The following KEAP1 variants were observed in gnomAD, a reference collection of about 807,000 sequenced individuals.
KEAP1 encodes kelch-like ECH-associated protein 1.
A neutral mutation model predicts 59.7 loss-of-function variants in KEAP1; 26 were observed. The ratio of observed to expected loss-of-function variants is 0.44; its 90% CI spans 0.32 to 0.60. The LOEUF (loss-of-function observed/expected upper bound fraction) is 0.60. KEAP1 is among the 20% of genes least tolerant of loss of function. KEAP1 has a pLI of 0.06. For missense variants in KEAP1, 539 were observed against 871.4 expected, an observed-to-expected ratio of 0.62 and a Z score of 4.80; for synonymous variants, 350 against 358.3, an observed-to-expected ratio of 0.98 and a Z score of 0.26.
chr19:10,498,222 C>CA (rs1318401341), intron 2 of KEAP1, among the ~76,000 whole-genome samples: 2,108 of 86,034 alleles, frequency 0.025, 81 homozygotes, highest in African/African-American at 0.088. Flanking sequence ...TTTTTTGAGA[C>CA]AGAGTCTTGC....
chr19:10,489,097 A>T (rs1158269648), intron 5 of KEAP1, 95 bp downstream of exon 5: 1 of 273,864 alleles, frequency 3.7e-6, no homozygotes, highest in Non-Finnish European at 4.9e-6. Context: ...TTGTTTCTAA[A>T]AAAAAAAAAA....
chr19:10,501,289 G>A (rs1428371805), intron 1 of KEAP1, among the ~76,000 whole-genome samples: 1 of 152,014 alleles, frequency 6.6e-6, no homozygotes, highest in East Asian at 2.0e-4. Flanking sequence ...CCAGGCTGGA[G>A]TACAGTGGTG....
intron 2 of KEAP1, 181 bp from the exon 3 acceptor site, chr19:10,492,443 G>A: frequency 3.3e-6 from 2 of 600,514 alleles, no homozygotes; most frequent in Non-Finnish European, 5.9e-6. Context: ...ATCCTGCCGG[G>A]CGCGGTGGCT....
rs1171925195 is a variant in KEAP1, at chr19:10,489,781, A to G, written c.1398T>C (p.Ala466=). 5 of 1,613,986 alleles carry G rather than the reference A, an allele frequency of 3.1e-6. No individual in the cohort carries two copies. The highest frequency in any genetic ancestry group is 1.7e-5 in the Admixed American group (1 of 59,916). ...MLTRRIGVGV[A]VLNRLLYAVG... Reference sequence around the variant, plus strand: ...CGGCATAAAGGAGACGATTGAGGACAGCCACGCCCACCCCGATCCTTCGTG... The same window carrying G: ...CGGCATAAAGGAGACGATTGAGGACGGCCACGCCCACCCCGATCCTTCGTG... The change falls in exon 4 of 6, where the codon GCT becomes GCC. Residue 466 remains alanine, a synonymous_variant. Transcript: ENST00000171111.
rs891953920 is a variant in KEAP1 at position 10,499,131 on chromosome 19, G to A, written c.639+264C>T. ...ATTACAGGCATGAGCCACCACGCCC[G>A]GCCCCAGTTGTTTTTTGTTTGTGTG... On this transcript the variant is annotated intron_variant, in intron 2 of 5. Coordinates refer to ENST00000171111, the MANE Select transcript of KEAP1 (RefSeq NM_203500.2). This position sits in a 1 kb window ranked among gnomAD's most constrained non-coding sequence, Gnocchi z 6.7. Among the ~76,000 whole-genome samples, 1 of 152,014 alleles carries A rather than the reference G, an allele frequency of 6.6e-6. No homozygotes were observed. Among genetic ancestry groups the A allele is most frequent in the Non-Finnish European group, 1.5e-5 (1 of 68,022 alleles).
In KEAP1 at chr19:10,491,889, G is replaced by T. The variant is rs2144600400; in HGVS notation, c.1013C>A (p.Ser338Ter). 6.2e-7 allele frequency: 1 copy of T among 1,613,406 alleles called. No individual in the cohort carries two copies. The highest frequency in any genetic ancestry group is 8.5e-7 in the Non-Finnish European group (1 of 1,179,804). The change falls in exon 3 of 6, where the codon TCG becomes TAG. Residue 338 changes from serine to a stop codon, truncating the protein, a stop_gained. Coordinates refer to ENST00000171111, the MANE Select transcript of KEAP1 (RefSeq NM_203500.2). LOFTEE classifies it high-confidence loss of function. This position sits in a 1 kb window ranked among gnomAD's most constrained non-coding sequence, Gnocchi z 5.2. ...IYTAGGYFRQ[S>*]LSYLEAYNPS... ...GTTGTAAGCCTCCAGGTAGCTGAGC[G>T]ACTGTCGGAAGTAGCCGCCCGCGGT...
At chr19:10,487,851 G>A (rs549591065) in intron 5 of KEAP1, among the ~76,000 whole-genome samples, 50 of 151,378 alleles carry the variant, frequency 3.3e-4, no homozygotes, top group Admixed American at 1.7e-3. Context: ...AAAATTGGCC[G>A]GGCATGGTGG....
rs1232151091 is a variant in KEAP1 at position 10,489,819 on chromosome 19, C to T, written c.1360G>A (p.Ala454Thr). Residue 454 changes from alanine to threonine, a missense_variant, in exon 4 of 6, where the codon GCC becomes ACC. Physicochemically the swap from Ala to Thr is moderately conservative, Grantham distance 58. Coordinates refer to ENST00000171111, the MANE Select transcript of KEAP1 (RefSeq NM_203500.2). ...EPERDEWHLV[A>T]PMLTRRIGVG... ...CCGATCCTTCGTGTCAGCATTGGGG[C>T]CACCAAGTGCCACTCATCCCGCTCT... 6.2e-7 allele frequency: 1 copy of T among 1,613,936 alleles called. No individual in the cohort carries two copies. Among genetic ancestry groups the T allele is most frequent in the Non-Finnish European group, 8.5e-7 (1 of 1,179,998 alleles).
At chr19:10,494,133 G>C (rs1311416242) in intron 2 of KEAP1, among the ~76,000 whole-genome samples, 1 of 151,388 alleles carries the variant, frequency 6.6e-6, no homozygotes, top group Non-Finnish European at 1.5e-5. Context: ...TGGTAGAGAC[G>C]GGGTTTCACC....
Position 10,489,257 on chromosome 19 carries a change from G to C in KEAP1, c.1643C>G (p.Ala548Gly), listed in dbSNP as rs763864605. Residue 548 changes from alanine to glycine, a missense_variant, in exon 5 of 6, where the codon GCC becomes GGC. Coordinates refer to ENST00000171111, the MANE Select transcript of KEAP1 (RefSeq NM_203500.2). Reference protein sequence around the residue: ...DVETETWTFVAPMKHRRSALG... With the variant: ...DVETETWTFVGPMKHRRSALG... The stretch of plus-strand genomic sequence containing the variant: ...GGCACTTCGCCGGTGCTTCATGGGG[G>C]CTACGAAAGTCCACGTCTCTGTTTC... The C allele has an allele frequency of 6.2e-7, 1 of 1,613,144 alleles. No individual in the cohort carries two copies. The highest frequency in any genetic ancestry group is 8.5e-7 in the Non-Finnish European group (1 of 1,179,948).
At chr19:10,493,353 G>A (rs1417955736) in intron 2 of KEAP1, among the ~76,000 whole-genome samples, 2 of 151,590 alleles carry the variant, frequency 1.3e-5, no homozygotes, top group African/African-American at 4.8e-5. Flanking sequence ...TAGTAGAGAT[G>A]GGGTTTCACC....
chr19:10,501,735 T>C (rs1308464572), intron 1 of KEAP1, among the ~76,000 whole-genome samples: 1 of 152,036 alleles, frequency 6.6e-6, no homozygotes, highest in African/African-American at 2.4e-5. Flanking sequence ...TTAGTAGAGA[T>C]GGGATTTCAC....
rs746687439 is a variant in KEAP1, at chr19:10,492,173, G to T, written c.729C>A (p.Ser243=). The change falls in exon 3 of 6, where the codon TCC becomes TCA. Residue 243 remains serine (S), a synonymous_variant. Coordinates refer to ENST00000171111, the MANE Select transcript of KEAP1 (RefSeq NM_203500.2). ...AGTTGATGCAGGCGTGGAAGACCTC[G>T]GACTCGCAGCGCACGTTCAGGTCGT... ...SRDDLNVRCE[S]EVFHACINWV... is the part of the protein sequence containing the mutation. 6.2e-7 allele frequency: 1 copy of T among 1,614,048 alleles called. No homozygotes were observed. The highest frequency in any genetic ancestry group is 1.7e-5 in the Admixed American group (1 of 60,002).
At chr19:10,489,048 T>A (rs1914573036) in intron 5 of KEAP1, 144 bp downstream of exon 5, 3 of 682,732 alleles carry the variant, frequency 4.4e-6, no homozygotes, top group Non-Finnish European at 6.8e-6. Flanking sequence ...CGAGCTGTGA[T>A]CACACCACTG....
At chr19:10,501,476 A>C (rs186015678) in intron 1 of KEAP1, among the ~76,000 whole-genome samples, 3 of 151,906 alleles carry the variant, frequency 2.0e-5, no homozygotes, top group African/African-American at 7.2e-5. Flanking sequence ...AAAAATACAA[A>C]AAAATTAGCC....
rs1028639304 is a variant in KEAP1, at chr19:10,502,675, G to A, written c.-48+566C>T. On this transcript the variant is annotated intron_variant, in intron 1 of 5. Coordinates refer to ENST00000171111, the MANE Select transcript of KEAP1 (RefSeq NM_203500.2). The surrounding 1 kb of genome is among the most constrained non-coding windows in gnomAD (Gnocchi z 4.0). ...TCGCGGCCCGCGATGCCCGCAGCCCGGGCACATCCCGCCTCACTCACCCCG... is the reference window on the plus strand; with the variant it reads ...TCGCGGCCCGCGATGCCCGCAGCCCAGGCACATCCCGCCTCACTCACCCCG... 6.6e-6 allele frequency: 1 copy of A among 152,050 alleles called. No individual in the cohort carries two copies. The allele number at this position is 152,050 out of a possible 1,614,324, so 9.4% of individuals were successfully genotyped here.
At position 10,491,909 on chromosome 19, in the gene KEAP1, C is replaced by G. The variant is rs745888675; in HGVS notation, c.993G>C (p.Ala331=). 13 of 1,613,482 alleles carry G rather than the reference C, an allele frequency of 8.1e-6. No homozygotes were observed. Among genetic ancestry groups the G allele is most frequent in the Non-Finnish European group, 1.1e-5 (13 of 1,179,878 alleles). The part of the protein sequence containing the change: ...APKVGRLIYT[A]GGYFRQSLSY... ...TGAGCGACTGTCGGAAGTAGCCGCCCGCGGTGTAGATCAGGCGGCCCACCT... is the reference window on the plus strand; with the variant it reads ...TGAGCGACTGTCGGAAGTAGCCGCCGGCGGTGTAGATCAGGCGGCCCACCT... Residue 331 remains alanine, a synonymous_variant, in exon 3 of 6, where the codon GCG becomes GCC. Coordinates refer to ENST00000171111, the MANE Select transcript of KEAP1 (RefSeq NM_203500.2). This position sits in a 1 kb window ranked among gnomAD's most constrained non-coding sequence, Gnocchi z 5.2.
Position 10,499,713 on chromosome 19 carries a change from G to A in KEAP1, c.321C>T (p.Phe107=), listed in dbSNP as rs1258850586. Residue 107 remains phenylalanine (F), a synonymous_variant, in exon 2 of 6, where the codon TTC becomes TTT. Transcript: ENST00000171111. The surrounding 1 kb of genome is among the most constrained non-coding windows in gnomAD (Gnocchi z 6.7). ...KVVLASSSPV[F]KAMFTNGLRE... The stretch of plus-strand genomic sequence containing the variant: ...GCAGCCCGTTGGTGAACATGGCCTT[G>A]AAGACAGGGCTGGATGAGGCCAGCA... The A allele has an allele frequency of 1.2e-6, 2 of 1,614,202 alleles. No homozygotes were observed. Among genetic ancestry groups the A allele is most frequent in the Non-Finnish European group, 1.7e-6 (2 of 1,180,058 alleles).
chr19:10,497,067 T>C (rs1914875320), intron 2 of KEAP1, among the ~76,000 whole-genome samples: 1 of 150,256 alleles, frequency 6.7e-6, no homozygotes, highest in Non-Finnish European at 1.5e-5. Flanking sequence ...GAGGTTGCAG[T>C]GAGCCGATAC....
Sources: gnomAD v4.1 joint callset for allele counts (sites outside exome capture counted in the v4.1 genomes callset) on GRCh38, gnomAD v4.1.1 for gene constraint, Gnocchi (gnomAD v3.1) non-coding constraint, MANE v1.5 for transcripts, NCBI Gene and HGNC (gene_info 2026-07-23, HGNC 2026-07-21) for gene names.